Variants in DENND1A observed in about 807,000 individuals in gnomAD.
DENND1A encodes DENN domain-containing protein 1A.
Under a neutral mutation model 113.7 loss-of-function variants are expected in DENND1A, and 51 were observed. That is an observed-to-expected ratio of 0.45 (90% CI 0.36 to 0.57). The LOEUF is 0.57. DENND1A is among the 20% of genes least tolerant of loss of function. The pLI is 0.00. For missense variants in DENND1A, 1,258 were observed against 1,395.9 expected (o/e 0.90, Z 1.57); for synonymous variants, 565 against 570.8 (o/e 0.99, Z 0.14).
rs546525881 is a variant in DENND1A, at chr9:123,594,547, C to T, written c.766-11277G>A. 2.5e-4 allele frequency among the ~76,000 whole-genome samples: 37 copies of T among 148,150 alleles called. 1 individual carries two copies. Among genetic ancestry groups the T allele is most frequent in the Non-Finnish European group, 3.4e-4 (23 of 67,756 alleles). ...CAAACATACTGAGCAACTAATATAA[C>T]GGACCTTTGTTAGGCATACCAGATT... On this transcript the variant is annotated intron_variant, in intron 11 of 23. Transcript: ENST00000394215.
chr9:123,654,463 G>A (rs2062829411), intron 8 of DENND1A, among the ~76,000 whole-genome samples: 2 of 152,010 alleles, frequency 1.3e-5, no homozygotes, highest in African/African-American at 4.8e-5. Context: ...GGGAGACACA[G>A]CGTCAGAGAC....
chr9:123,471,279 A>G (rs999600313), intron 13 of DENND1A, among the ~76,000 whole-genome samples: 2 of 152,152 alleles, frequency 1.3e-5, no homozygotes, highest in Non-Finnish European at 2.9e-5. Context: ...AACCCCTCAG[A>G]GACCACCTTC....
At chr9:123,866,473 T>C (rs1157757077) in intron 2 of DENND1A, among the ~76,000 whole-genome samples, 1 of 152,262 alleles carries the variant, frequency 6.6e-6, no homozygotes, top group Non-Finnish European at 1.5e-5. Context: ...GTGTTCTTTT[T>C]ATCAAGTTGT....
chr9:123,711,612 C>T (rs1385758064), intron 5 of DENND1A, among the ~76,000 whole-genome samples: 1 of 142,710 alleles, frequency 7.0e-6, no homozygotes, highest in East Asian at 2.1e-4. Context: ...TAAAGCATAA[C>T]TACCATGTGC....
chr9:123,643,166 C>T (rs906351532), intron 9 of DENND1A, among the ~76,000 whole-genome samples: 13 of 152,182 alleles, frequency 8.5e-5, no homozygotes, highest in Admixed American at 3.9e-4. Context: ...CCTCAGGCCA[C>T]AGGGTACCCG....
chr9:123,593,133 G>A (rs751663177), intron 11 of DENND1A, among the ~76,000 whole-genome samples: 4 of 152,180 alleles, frequency 2.6e-5, no homozygotes, highest in Non-Finnish European at 4.4e-5. Flanking sequence ...GGGCAAAGCT[G>A]CAACATTGTT....
At chr9:123,679,704 T>A (rs1029147040) in intron 5 of DENND1A, among the ~76,000 whole-genome samples, 1 of 152,218 alleles carries the variant, frequency 6.6e-6, no homozygotes, top group Non-Finnish European at 1.5e-5. Context: ...CCTGTCCTGC[T>A]TCATTAGAGC....
At chr9:123,455,177 G>C (rs558827057) in intron 15 of DENND1A, among the ~76,000 whole-genome samples, 3 of 152,188 alleles carry the variant, frequency 2.0e-5, no homozygotes, top group Non-Finnish European at 4.4e-5. Context: ...CCCATGTCCT[G>C]TTCTTAAAGG....
intron 20 of DENND1A, among the ~76,000 whole-genome samples, chr9:123,406,199 A>G (rs2043839062): frequency 6.6e-6 from 1 of 152,322 alleles, no homozygotes; most frequent in South Asian, 2.1e-4. Flanking sequence ...CGCACGTCTG[A>G]TCTAACCAAA....
At chr9:123,610,338 T>C (rs773788378) in intron 10 of DENND1A, among the ~76,000 whole-genome samples, 29 of 152,232 alleles carry the variant, frequency 1.9e-4, no homozygotes, top group Non-Finnish European at 3.2e-4. Flanking sequence ...ATAACAACTT[T>C]GCAATACCCA....
rs566785747 is a variant in DENND1A at position 123,543,474 on chromosome 9, G to C, written c.993+14096C>G. ...TTGGGTCTAATAGTTCAAGGAACAGGGTTCTGGAAATGCTGGCTTATGACA... is the reference window on the plus strand; with the variant it reads ...TTGGGTCTAATAGTTCAAGGAACAGCGTTCTGGAAATGCTGGCTTATGACA... On this transcript the variant is annotated intron_variant, in intron 13 of 23. Transcript: ENST00000394215. Among the ~76,000 whole-genome samples, 123 of 152,274 alleles carry C rather than the reference G, an allele frequency of 8.1e-4. 1 individual carries two copies. The highest frequency in any genetic ancestry group is 3.4e-3 in the Middle Eastern group (1 of 294).
intron 5 of DENND1A, among the ~76,000 whole-genome samples, chr9:123,754,267 A>C (rs2070330691): frequency 1.3e-5 from 2 of 151,806 alleles, no homozygotes; most frequent in African/African-American, 4.8e-5. Context: ...AGACCTCTCC[A>C]CTCCCCAGTG....
intron 1 of DENND1A, among the ~76,000 whole-genome samples, chr9:123,879,235 A>AAT (rs61314267): frequency 0.033 from 4,995 of 151,900 alleles, 106 homozygotes; most frequent in South Asian, 0.075. Flanking sequence ...TAAAACTTGA[A>AAT]ATATATATAT....
At chr9:123,855,747 C>T (rs1844069340) in intron 2 of DENND1A, among the ~76,000 whole-genome samples, 1 of 152,048 alleles carries the variant, frequency 6.6e-6, no homozygotes, top group South Asian at 2.1e-4. Flanking sequence ...CTAAGGAAAC[C>T]AATTAAGTGT....
chr9:123,640,543 C>A (rs1275409802), intron 9 of DENND1A, among the ~76,000 whole-genome samples: 1 of 152,240 alleles, frequency 6.6e-6, no homozygotes, highest in Non-Finnish European at 1.5e-5. Flanking sequence ...TGGATTCACT[C>A]CCTATCTGCT....
intron 5 of DENND1A, among the ~76,000 whole-genome samples, chr9:123,746,185 G>C (rs1164570837): frequency 6.6e-6 from 1 of 152,074 alleles, no homozygotes; most frequent in Non-Finnish European, 1.5e-5. Flanking sequence ...ATTTACAAAA[G>C]GGAAAAACAC....
At chr9:123,559,789 C>A (rs2057632246) in intron 12 of DENND1A, among the ~76,000 whole-genome samples, 1 of 152,032 alleles carries the variant, frequency 6.6e-6, no homozygotes, top group African/African-American at 2.4e-5. Flanking sequence ...TTTTTATTAC[C>A]CCCGAAAGAA....
At chr9:123,839,506 T>C (rs966505833) in intron 2 of DENND1A, among the ~76,000 whole-genome samples, 1 of 152,204 alleles carries the variant, frequency 6.6e-6, no homozygotes. Flanking sequence ...GGCATTCTCA[T>C]AATTACAGTT....
intron 13 of DENND1A, among the ~76,000 whole-genome samples, chr9:123,524,563 C>A (rs1475543219): frequency 6.6e-6 from 1 of 152,202 alleles, no homozygotes; most frequent in Non-Finnish European, 1.5e-5. Flanking sequence ...ACAAACACAG[C>A]ACTTGACAAA....
Sources: gnomAD v4.1 joint callset for allele counts (sites outside exome capture counted in the v4.1 genomes callset) on GRCh38, gnomAD v4.1.1 for gene constraint, MANE v1.5 for transcripts, NCBI Gene and HGNC (gene_info 2026-07-23, HGNC 2026-07-21) for gene names.